The following TRAF6 variants were observed in gnomAD, a reference collection of about 807,000 sequenced individuals.
The protein encoded by TRAF6 is TNF receptor associated factor 6, also known as TNF receptor-associated factor 6.
TRAF6 carries 10 observed loss-of-function variants against 48.4 expected under a neutral mutation model. The ratio of observed to expected loss-of-function variants is 0.21; its 90% CI spans 0.13 to 0.35. The LOEUF (loss-of-function observed/expected upper bound fraction) is 0.35. Among genes scored for constraint, TRAF6 ranks in the 10% least tolerant of loss-of-function variants. The probability of loss-of-function intolerance (pLI) is 1.00; values close to 1 mark genes in which losing one functional copy is unlikely to be tolerated. For missense variants in TRAF6, 397 were observed against 661.0 expected (o/e 0.60, Z 4.38); for synonymous variants, 186 against 219.6 (o/e 0.85, Z 1.35).
At chr11:36,508,482 T>C (rs1229093276) in intron 1 of TRAF6, among the ~76,000 whole-genome samples, 1 of 151,986 alleles carries the variant, frequency 6.6e-6, no homozygotes, top group Non-Finnish European at 1.5e-5. Context: ...GGAAGTAGGA[T>C]AATCCACAAA....
At chr11:36,496,956 C>G (rs1194775196) in intron 4 of TRAF6, 152 bp downstream of exon 4, 5 of 852,248 alleles carry the variant, frequency 5.9e-6, no homozygotes, top group Non-Finnish European at 8.6e-6. Flanking sequence ...CTTATTGAAC[C>G]TTCTTTTTCT....
chr11:36,502,323 G>A (rs929993769), intron 1 of TRAF6, among the ~76,000 whole-genome samples: 8 of 152,168 alleles, frequency 5.3e-5, no homozygotes, highest in African/African-American at 1.9e-4. Flanking sequence ...AAAAACAAGT[G>A]ATGTTTTGTT....
chr11:36,508,643 T>C (rs1161995726), intron 1 of TRAF6, among the ~76,000 whole-genome samples: 1 of 152,178 alleles, frequency 6.6e-6, no homozygotes, highest in East Asian at 1.9e-4. Flanking sequence ...AAAGAAAATA[T>C]GAGAAATTAT....
rs1859531020 is a variant in TRAF6, at chr11:36,489,423, T to G, written c.*415A>C. On this transcript the variant is annotated 3_prime_UTR_variant, in exon 7 of 7. Coordinates refer to ENST00000526995, the MANE Select transcript of TRAF6 (RefSeq NM_004620.4). ...CACTAGCACAAGGCGGTAGTGATTT[T>G]CACTTTTAATATATTACATATAATA... is the stretch of plus-strand genomic sequence containing the variant. The G allele has an allele frequency of 6.1e-6, 1 of 163,432 alleles. No homozygotes were observed. The highest frequency in any genetic ancestry group is 1.3e-5 in the Non-Finnish European group (1 of 74,568). 10.1% of individuals were successfully genotyped at this position (163,432 alleles called of 1,614,324 possible).
rs187795518 is a variant in TRAF6, at chr11:36,484,104, T to C, written c.*5734A>G. Among the ~76,000 whole-genome samples, 1 of 152,260 alleles carries C rather than the reference T, an allele frequency of 6.6e-6. No homozygotes were observed. Among genetic ancestry groups the C allele is most frequent in the Non-Finnish European group, 1.5e-5 (1 of 68,014 alleles). On this transcript the variant is annotated 3_prime_UTR_variant, in exon 7 of 7. Transcript: ENST00000526995. Reference sequence around the variant, plus strand: ...TTAAGTCAGCCCAGCAATTCAGTTGTATTGACCTGATGGAGGCCATCCGAG... The same window carrying C: ...TTAAGTCAGCCCAGCAATTCAGTTGCATTGACCTGATGGAGGCCATCCGAG...
At chr11:36,502,178 A>G (rs1315413330) in intron 1 of TRAF6, among the ~76,000 whole-genome samples, 5 of 152,200 alleles carry the variant, frequency 3.3e-5, no homozygotes, top group East Asian at 1.9e-4. Context: ...TCTAGGTCTA[A>G]AATTCTATAA....
In TRAF6 at chr11:36,484,895, A is replaced by G. The variant is rs577375529; in HGVS notation, c.*4943T>C. Among the ~76,000 whole-genome samples the G allele has an allele frequency of 5.3e-5, 8 of 152,238 alleles. No homozygotes were observed. Among genetic ancestry groups the G allele is most frequent in the Non-Finnish European group, 1.0e-4 (7 of 68,042 alleles). Reference sequence around the variant, plus strand: ...AAAAATACCCCTTCAGGCAAAATAAATAAGACTGAAATTCAGCATAACAAA... The same window carrying G: ...AAAAATACCCCTTCAGGCAAAATAAGTAAGACTGAAATTCAGCATAACAAA... On this transcript the variant is annotated 3_prime_UTR_variant, in exon 7 of 7. Coordinates refer to ENST00000526995, the MANE Select transcript of TRAF6 (RefSeq NM_004620.4).
At chr11:36,504,109 T>C (rs1859754845) in intron 1 of TRAF6, among the ~76,000 whole-genome samples, 1 of 152,224 alleles carries the variant, frequency 6.6e-6, no homozygotes. Context: ...TAGAGGGTCC[T>C]GCGTCAATGT....
chr11:36,489,888 T>A lies in TRAF6; in HGVS notation c.1519A>T (p.Ser507Cys), dbSNP rs58304191. The A allele has an allele frequency of 7.1e-5, 115 of 1,614,230 alleles. 1 individual carries two copies. The East Asian group carries it at 2.2e-3, about 31-fold the overall frequency. Residue 507 changes from serine to cysteine, a missense_variant, in exon 7 of 7, where the codon AGC becomes TGC. Physicochemically the swap from Ser to Cys is moderately radical, Grantham distance 112. Around this residue, in one of 4 missense-constraint regions of TRAF6, gnomAD observed 74 missense variants for 198.9 expected, o/e 0.37. Transcript: ENST00000526995. ...CEVSTRFDMG[S>C]LRREGFQPRS... The stretch of plus-strand genomic sequence containing the variant: ...GGCTGAAAACCCTCCCTCCGAAGGC[T>A]ACCCATGTCAAAGCGGGTGGAGACC...
rs1035310477 is a variant in TRAF6, at chr11:36,486,567, C to T, written c.*3271G>A. ...GTCACAATAATTAACTGCTAGAGATCGTCCAGTATCTCTGTATTATTCCAT... is the reference window on the plus strand; with the variant it reads ...GTCACAATAATTAACTGCTAGAGATTGTCCAGTATCTCTGTATTATTCCAT... On this transcript the variant is annotated 3_prime_UTR_variant, in exon 7 of 7. Transcript: ENST00000526995. Among the ~76,000 whole-genome samples the T allele has an allele frequency of 3.9e-5, 6 of 152,096 alleles. No individual in the cohort carries two copies. The highest frequency in any genetic ancestry group is 1.9e-4 in the East Asian group (1 of 5,194).
At chr11:36,504,431 A>G (rs1373004170) in intron 1 of TRAF6, among the ~76,000 whole-genome samples, 1 of 152,180 alleles carries the variant, frequency 6.6e-6, no homozygotes, top group Non-Finnish European at 1.5e-5. Context: ...CATCCATAAG[A>G]AGCAACTCCT....
rs905737718 is a variant in TRAF6, at chr11:36,486,549, T to C, written c.*3289A>G. Among the ~76,000 whole-genome samples the C allele has an allele frequency of 2.0e-5, 3 of 152,138 alleles. No homozygotes were observed. The highest frequency in any genetic ancestry group is 7.2e-5 in the African/African-American group (3 of 41,384). On this transcript the variant is annotated 3_prime_UTR_variant, in exon 7 of 7. Transcript: ENST00000526995. ...CTGTATAATTTTATATGGGTCACAATAATTAACTGCTAGAGATCGTCCAGT... is the reference window on the plus strand; with the variant it reads ...CTGTATAATTTTATATGGGTCACAACAATTAACTGCTAGAGATCGTCCAGT...
At chr11:36,497,823 G>T (rs933628443) in intron 3 of TRAF6, among the ~76,000 whole-genome samples, 1 of 151,156 alleles carries the variant, frequency 6.6e-6, no homozygotes, top group Non-Finnish European at 1.5e-5. Context: ...GATTACTTGG[G>T]AATTACTGCT....
At chr11:36,497,288 A>T in intron 3 of TRAF6, 22 bp from the exon 4 acceptor site, 2 of 1,599,542 alleles carry the variant, frequency 1.3e-6, no homozygotes, top group Non-Finnish European at 1.7e-6. Flanking sequence ...AAAATAATGG[A>T]TTAGCATTAG....
At position 36,490,028 on chromosome 11, in the gene TRAF6, T is replaced by C; in HGVS notation, c.1379A>G (p.Gln460Arg). Residue 460 changes from glutamine to arginine, a missense_variant, in exon 7 of 7, where the codon CAG (glutamine) becomes CGG (arginine). Gln to Arg is a conservative substitution (Grantham distance 43, BLOSUM62 1). This residue lies in a region of TRAF6 where 74 missense variants were observed against 198.9 expected (regional missense o/e 0.37). Coordinates refer to ENST00000526995, the MANE Select transcript of TRAF6 (RefSeq NM_004620.4). This position sits in a 1 kb window ranked among gnomAD's most constrained non-coding sequence, Gnocchi z 6.4. ...MDAKPELLAFQRPTIPRNPKG... is the reference protein window; with the variant it reads ...MDAKPELLAFRRPTIPRNPKG... ...TGGGTTCCGTGGGATTGTGGGTCGC[T>C]GGAAAGCAAGCAGCTCTGGTTTGGC... 5 of 1,614,218 alleles carry C rather than the reference T, an allele frequency of 3.1e-6. No individual in the cohort carries two copies. The highest frequency in any genetic ancestry group is 4.2e-6 in the Non-Finnish European group (5 of 1,180,040).
chr11:36,497,309 AGTC>A, intron 3 of TRAF6, 43 bp from the exon 4 acceptor site: 16 of 1,568,384 alleles, frequency 1.0e-5, no homozygotes, highest in Non-Finnish European at 1.4e-5. Flanking sequence ...CCAACTCTGA[AGTC>A]TTCTACATAT....
At chr11:36,493,780 G>A (rs5030503) in intron 5 of TRAF6, among the ~76,000 whole-genome samples, 254 of 152,266 alleles carry the variant, frequency 1.7e-3, no homozygotes, top group East Asian at 8.7e-3. Flanking sequence ...AAAGGAAAAC[G>A]AGTTAGGACT....
intron 5 of TRAF6, among the ~76,000 whole-genome samples, chr11:36,494,505 C>T (rs1219528402): frequency 6.6e-6 from 1 of 152,164 alleles, no homozygotes; most frequent in Non-Finnish European, 1.5e-5. Context: ...CCCTGTATGC[C>T]TCAGGGATTA....
chr11:36,502,522 T>C (rs536356521), intron 1 of TRAF6, among the ~76,000 whole-genome samples: 38 of 152,268 alleles, frequency 2.5e-4, no homozygotes, highest in Non-Finnish European at 4.7e-4. Flanking sequence ...AGAAACAGAA[T>C]GTAGGCCTCC....
Sources: allele counts gnomAD v4.1 joint callset (sites outside exome capture counted in the v4.1 genomes callset), GRCh38; gene constraint gnomAD v4.1.1; regional missense constraint gnomAD v4.1.1; non-coding constraint Gnocchi (gnomAD v3.1); transcripts MANE v1.5; gene names NCBI Gene and HGNC (gene_info 2026-07-23, HGNC 2026-07-21).